The following TBL1X variants were observed in gnomAD, a reference collection of about 807,000 sequenced individuals.
The protein encoded by TBL1X is transducin beta like 1 X-linked.
TBL1X carries 10 observed loss-of-function variants against 50.7 expected under a neutral mutation model. That is an observed-to-expected ratio of 0.20 (90% confidence interval 0.12 to 0.33). TBL1X has a LOEUF of 0.33. Among genes scored for constraint, TBL1X ranks in the 10% least tolerant of loss-of-function variants. TBL1X has a pLI of 1.00. For missense variants in TBL1X, 340 were observed against 504.4 expected, an observed-to-expected ratio of 0.67 and a Z score of 3.12; for synonymous variants, 190 against 214.7, an observed-to-expected ratio of 0.88 and a Z score of 1.01.
intron 2 of TBL1X, among the ~76,000 whole-genome samples, chrX:9,533,512 C>T (rs751182261): frequency 1.4e-4 from 16 of 111,662 alleles, no homozygotes; most frequent in Non-Finnish European, 3.0e-4. Context: ...TGGTTTCCTT[C>T]TGAGTGAAAA....
Position 9,653,119 on chromosome X carries a change from C to T in TBL1X, c.-42-426C>T, listed in dbSNP as rs540336109. Among the ~76,000 whole-genome samples the T allele has an allele frequency of 3.9e-4, 44 of 112,766 alleles. No homozygotes were observed. The South Asian group carries it at 0.011, about 29-fold the overall frequency. ...GGCGGAGGATGCAGTGAGCTGAGAT[C>T]GCACCACTGCACTCCGGCCTGGCAA... is the stretch of plus-strand genomic sequence containing the variant. On this transcript the variant is annotated intron_variant, in intron 3 of 17. Coordinates refer to ENST00000645353, the MANE Select transcript of TBL1X (RefSeq NM_005647.4).
intron 5 of TBL1X, 138 bp from the exon 6 acceptor site, chrX:9,683,905 C>T: frequency 1.0e-6 from 1 of 968,129 alleles, no homozygotes; most frequent in Non-Finnish European, 1.5e-6. Flanking sequence ...AGAAGCATCC[C>T]TGGGCATTCT....
intron 2 of TBL1X, among the ~76,000 whole-genome samples, chrX:9,510,357 T>G (rs988541902): frequency 8.9e-6 from 1 of 112,277 alleles, no homozygotes; most frequent in Non-Finnish European, 1.9e-5. Context: ...GTGGAACGCC[T>G]TGGACACTGG....
At chrX:9,674,680 G>GCCCACCCCCC (rs2082981566) in intron 5 of TBL1X, among the ~76,000 whole-genome samples, 1 of 4,012 alleles carries the variant, frequency 2.5e-4, no homozygotes. Flanking sequence ...TCCCGCCTCA[G>GCCCACCCCCC]CCCCCCCCCC....
At chrX:9,587,562 G>A (rs902493438) in intron 2 of TBL1X, among the ~76,000 whole-genome samples, 3 of 111,667 alleles carry the variant, frequency 2.7e-5, no homozygotes, top group Non-Finnish European at 3.8e-5. Flanking sequence ...TGAGGTGCTT[G>A]CTTTGGGAGA....
Position 9,483,238 on chromosome X carries a change from G to A in TBL1X, c.-201+17791G>A, listed in dbSNP as rs768161972. 2.7e-5 allele frequency among the ~76,000 whole-genome samples: 3 copies of A among 111,889 alleles called. No individual in the cohort carries two copies. In the South Asian group the frequency reaches 1.1e-3, roughly 42 times the overall value. On this transcript the variant is annotated intron_variant, in intron 1 of 17. Coordinates refer to ENST00000645353, the MANE Select transcript of TBL1X (RefSeq NM_005647.4). ...AGGTATTTACATCCTCCATGAAGAC[G>A]TAAGGAAGTTGAAGGAATAAAAATC...
chrX:9,622,081 A>G lies in TBL1X; in HGVS notation c.-130-18192A>G, dbSNP rs561063673. On this transcript the variant is annotated intron_variant, in intron 2 of 17. Transcript: ENST00000645353. ...CATTTTCACTCTCATAACTGTTTCG[A>G]TATTTCTGATTTTTTTTTTTTCTTT... Among the ~76,000 whole-genome samples the G allele has an allele frequency of 2.5e-4, 27 of 109,005 alleles. No homozygotes were observed. In the South Asian group the frequency reaches 0.01, roughly 41 times the overall value. The allele number at this position is 109,005 out of a possible 115,157, so 94.7% of individuals were successfully genotyped here.
chrX:9,701,307 T>C (rs2083169917), intron 12 of TBL1X, among the ~76,000 whole-genome samples: 1 of 110,337 alleles, frequency 9.1e-6, no homozygotes, highest in Non-Finnish European at 1.9e-5. Flanking sequence ...TGAGGGCTAT[T>C]GAACCAAACT....
At chrX:9,475,324 C>T (rs1013636223) in intron 1 of TBL1X, among the ~76,000 whole-genome samples, 1 of 111,435 alleles carries the variant, frequency 9.0e-6, no homozygotes, top group Non-Finnish European at 1.9e-5. Context: ...CTCACTGCAA[C>T]GTCTGCCTCC....
chrX:9,515,424 C>G (rs906263320), intron 2 of TBL1X, among the ~76,000 whole-genome samples: 111 of 112,198 alleles, frequency 9.9e-4, no homozygotes, highest in Non-Finnish European at 2.6e-4. Flanking sequence ...TTTCCCACCT[C>G]TTGCTGAGAA....
chrX:9,519,234 T>C (rs2082095700), intron 2 of TBL1X, among the ~76,000 whole-genome samples: 1 of 111,301 alleles, frequency 9.0e-6, no homozygotes, highest in South Asian at 3.8e-4. Flanking sequence ...TATACACATA[T>C]ATATTTATTT....
At chrX:9,617,528 A>G (rs1236867110) in intron 2 of TBL1X, among the ~76,000 whole-genome samples, 1 of 112,444 alleles carries the variant, frequency 8.9e-6, no homozygotes, top group Non-Finnish European at 1.9e-5. Context: ...TGGCATAGCT[A>G]CAGTGTTTTA....
intron 1 of TBL1X, among the ~76,000 whole-genome samples, chrX:9,488,925 A>G (rs1349443890): frequency 9.0e-6 from 1 of 110,706 alleles, no homozygotes; most frequent in African/African-American, 3.3e-5. Flanking sequence ...GTCTCAAGCG[A>G]TCCTCCCTCC....
chrX:9,592,675 CTTTA>C (rs972655274), intron 2 of TBL1X, among the ~76,000 whole-genome samples: 4 of 111,669 alleles, frequency 3.6e-5, no homozygotes, highest in African/African-American at 1.3e-4. Flanking sequence ...TCTTTTTTCT[CTTTA>C]TTTGCCTATT....
chrX:9,667,119 G>C (rs1246515250), intron 5 of TBL1X, among the ~76,000 whole-genome samples: 2 of 111,471 alleles, frequency 1.8e-5, no homozygotes, highest in Admixed American at 1.9e-4. Flanking sequence ...AAAATTAGCT[G>C]GGCGTGGTGG....
intron 16 of TBL1X, among the ~76,000 whole-genome samples, chrX:9,713,309 AAAG>A (rs201287318): frequency 0.011 from 1,248 of 111,913 alleles, 16 homozygotes; most frequent in African/African-American, 0.039. Flanking sequence ...GGATTTGTAA[AAAG>A]AACACATCAA....
intron 2 of TBL1X, among the ~76,000 whole-genome samples, chrX:9,600,547 G>T (rs896925290): frequency 9.2e-6 from 1 of 108,186 alleles, no homozygotes; most frequent in Non-Finnish European, 1.9e-5. Context: ...GAATGACGTT[G>T]TTCCTTTGTA....
intron 1 of TBL1X, among the ~76,000 whole-genome samples, chrX:9,466,134 G>A (rs773352354): frequency 8.9e-6 from 1 of 111,732 alleles, no homozygotes; most frequent in South Asian, 3.8e-4. Flanking sequence ...AGCGCCGCCC[G>A]GGGAGAGCGC....
At chrX:9,526,095 G>C (rs1208994065) in intron 2 of TBL1X, among the ~76,000 whole-genome samples, 1 of 104,720 alleles carries the variant, frequency 9.5e-6, no homozygotes, top group Non-Finnish European at 2.0e-5. Flanking sequence ...GAGAACGTCT[G>C]TGCATGTGTG....
Sources: gnomAD v4.1 joint callset for allele counts (sites outside exome capture counted in the v4.1 genomes callset) on GRCh38, gnomAD v4.1.1 for gene constraint, MANE v1.5 for transcripts, NCBI Gene and HGNC (gene_info 2026-07-23, HGNC 2026-07-21) for gene names.